Variants in MTUS2 observed in about 807,000 individuals in gnomAD.
The protein encoded by MTUS2 is microtubule associated scaffold protein 2.
A neutral mutation model predicts 114.1 loss-of-function variants in MTUS2; 40 were observed. The ratio of observed to expected loss-of-function variants is 0.35; its 90% CI spans 0.27 to 0.46. The LOEUF (loss-of-function observed/expected upper bound fraction) is 0.46, where lower values mean the gene tolerates loss of function less well. MTUS2 is among the 20% of genes least tolerant of loss of function. The pLI, the probability that MTUS2 is intolerant of heterozygous loss-of-function variation, is 1.00. For synonymous variants in MTUS2, 688 were observed against 672.0 expected, an observed-to-expected ratio of 1.02 and a Z score of -0.37; for missense variants, 1,679 against 1,705.4, an observed-to-expected ratio of 0.98 and a Z score of 0.27.
At chr13:29,462,371 G>T (rs1879559122) in intron 9 of MTUS2, among the ~76,000 whole-genome samples, 1 of 152,190 alleles carries the variant, frequency 6.6e-6, no homozygotes, top group Non-Finnish European at 1.5e-5. Flanking sequence ...GGAGCAACAT[G>T]CTCCATCTAT....
At chr13:28,990,575 C>G (rs1923514) in intron 2 of MTUS2, among the ~76,000 whole-genome samples, 4 of 39,742 alleles carry the variant, frequency 1.0e-4, no homozygotes, top group South Asian at 5.5e-4. Flanking sequence ...CCAGTCAGCA[C>G]TCTGTAAAAA....
intron 8 of MTUS2, among the ~76,000 whole-genome samples, chr13:29,364,486 C>T (rs769756960): frequency 6.6e-6 from 1 of 152,206 alleles, no homozygotes; most frequent in African/African-American, 2.4e-5. Flanking sequence ...GCAAACTCCT[C>T]ATAGTGAAGC....
intron 5 of MTUS2, among the ~76,000 whole-genome samples, chr13:29,244,873 G>A (rs1031790929): frequency 2.9e-5 from 4 of 140,242 alleles, no homozygotes; most frequent in Admixed American, 1.5e-4. Flanking sequence ...GGAGAATGGC[G>A]TGAACCCGGG....
intron 5 of MTUS2, among the ~76,000 whole-genome samples, chr13:29,172,247 C>T (rs922997135): frequency 6.6e-6 from 1 of 152,200 alleles, no homozygotes. Context: ...ATTTTTAAAG[C>T]ATGGATGCAG....
Position 29,256,871 on chromosome 13 carries a change from G to A in MTUS2, c.2645-24833G>A, listed in dbSNP as rs543605681. Reference sequence around the variant, plus strand: ...TCTCAACCGTTAAAACCTTATCCAAGCAGGTATTCTCAAACCAACAATGAC... The same window carrying A: ...TCTCAACCGTTAAAACCTTATCCAAACAGGTATTCTCAAACCAACAATGAC... On this transcript the variant is annotated intron_variant, in intron 5 of 15. Coordinates refer to ENST00000612955, the MANE Select transcript of MTUS2 (RefSeq NM_001033602.4). 1.8e-4 allele frequency among the ~76,000 whole-genome samples: 28 copies of A among 152,262 alleles called. No homozygotes were observed. In the South Asian group the frequency reaches 5.8e-3, roughly 32 times the overall value.
At chr13:28,959,993 G>T (rs1351225743) in intron 2 of MTUS2, among the ~76,000 whole-genome samples, 1 of 152,166 alleles carries the variant, frequency 6.6e-6, no homozygotes, top group African/African-American at 2.4e-5. Context: ...AGAAGAATTT[G>T]TCATACCAAA....
At chr13:29,147,759 G>C (rs571169101) in intron 5 of MTUS2, among the ~76,000 whole-genome samples, 1 of 152,288 alleles carries the variant, frequency 6.6e-6, no homozygotes, top group Admixed American at 6.5e-5. Flanking sequence ...TTGCTGCAAA[G>C]GACATGATTC....
chr13:28,973,040 C>T (rs965321723), intron 2 of MTUS2, among the ~76,000 whole-genome samples: 3 of 151,956 alleles, frequency 2.0e-5, no homozygotes, highest in African/African-American at 7.3e-5. Flanking sequence ...TGTATGTTTA[C>T]AGTGGACATA....
At chr13:28,989,250 C>T (rs1403314320) in intron 2 of MTUS2, among the ~76,000 whole-genome samples, 5 of 152,108 alleles carry the variant, frequency 3.3e-5, no homozygotes, top group Non-Finnish European at 7.4e-5. Flanking sequence ...AAAATGGTTG[C>T]TTAGTAATTT....
At chr13:28,934,135 A>G (rs1283695851) in intron 2 of MTUS2, among the ~76,000 whole-genome samples, 1 of 152,250 alleles carries the variant, frequency 6.6e-6, no homozygotes, top group East Asian at 1.9e-4. Flanking sequence ...TTGCCAGAAA[A>G]TAAAGTAAAT....
chr13:29,184,594 T>G (rs1201592714), intron 5 of MTUS2, among the ~76,000 whole-genome samples: 1 of 152,176 alleles, frequency 6.6e-6, no homozygotes, highest in Admixed American at 6.5e-5. Context: ...ACAGAGCCAC[T>G]TGGCAGACTG....
At chr13:29,207,148 C>G (rs1895222729) in intron 5 of MTUS2, among the ~76,000 whole-genome samples, 2 of 151,732 alleles carry the variant, frequency 1.3e-5, no homozygotes. Flanking sequence ...TAATATACTC[C>G]TAAGTGTTTT....
At chr13:29,160,260 G>A (rs1384958219) in intron 5 of MTUS2, among the ~76,000 whole-genome samples, 2 of 152,168 alleles carry the variant, frequency 1.3e-5, no homozygotes, top group East Asian at 3.8e-4. Context: ...TGCCATCCCT[G>A]AGACTACAAT....
At chr13:28,881,331 A>G (rs1356055606) in intron 2 of MTUS2, among the ~76,000 whole-genome samples, 1 of 152,192 alleles carries the variant, frequency 6.6e-6, no homozygotes, top group African/African-American at 2.4e-5. Context: ...GCTGCATAGT[A>G]TTCCATAATG....
chr13:29,418,461 A>T (rs1875840216), intron 8 of MTUS2, among the ~76,000 whole-genome samples: 1 of 152,182 alleles, frequency 6.6e-6, no homozygotes, highest in Non-Finnish European at 1.5e-5. Flanking sequence ...GCTCATACAG[A>T]TCAAGTAAGA....
intron 11 of MTUS2, among the ~76,000 whole-genome samples, chr13:29,491,272 G>C (rs1593510819): frequency 6.7e-6 from 1 of 149,946 alleles, no homozygotes; most frequent in Non-Finnish European, 1.5e-5. Context: ...GTGTGTCCTT[G>C]TGTAAATGTG....
At chr13:29,132,656 G>C (rs551380467) in intron 5 of MTUS2, among the ~76,000 whole-genome samples, 1 of 152,132 alleles carries the variant, frequency 6.6e-6, no homozygotes, top group African/African-American at 2.4e-5. Flanking sequence ...TGTCCTCAGG[G>C]TTCATTAATG....
chr13:29,384,065 T>C (rs1008044851), intron 8 of MTUS2, among the ~76,000 whole-genome samples: 2 of 152,256 alleles, frequency 1.3e-5, no homozygotes, highest in African/African-American at 4.8e-5. Flanking sequence ...TGAATGCTTT[T>C]TCAGTGCATT....
At chr13:29,095,307 G>T (rs546812756) in intron 4 of MTUS2, among the ~76,000 whole-genome samples, 1 of 151,950 alleles carries the variant, frequency 6.6e-6, no homozygotes, top group African/African-American at 2.4e-5. Flanking sequence ...GTTCATTTTT[G>T]CTTGATGTAA....
Sources: gnomAD v4.1 joint callset for allele counts (sites outside exome capture counted in the v4.1 genomes callset) on GRCh38, gnomAD v4.1.1 for gene constraint, MANE v1.5 for transcripts, NCBI Gene and HGNC (gene_info 2026-07-23, HGNC 2026-07-21) for gene names.